SEC22C: variants seen among roughly 807,000 people sequenced by gnomAD.
SEC22C encodes vesicle-trafficking protein SEC22c.
Under a neutral mutation model 34.7 loss-of-function variants are expected in SEC22C, and 29 were observed. The ratio of observed to expected loss-of-function variants is 0.84; its 90% confidence interval spans 0.62 to 1.14. SEC22C has a LOEUF of 1.14. Ranked by LOEUF, SEC22C falls within the 50% of genes most tolerant of loss-of-function variation. The probability of loss-of-function intolerance (pLI) is 0.00; values close to 1 mark genes in which losing one functional copy is unlikely to be tolerated. For synonymous variants in SEC22C, 117 were observed against 132.8 expected (o/e 0.88, Z 0.82); for missense variants, 337 against 369.0 (o/e 0.91, Z 0.71).
intron 2 of SEC22C, among the ~76,000 whole-genome samples, chr3:42,566,070 A>G (rs191661294): frequency 2.6e-5 from 4 of 152,266 alleles, no homozygotes; most frequent in Admixed American, 2.6e-4. Flanking sequence ...AAGCTTTCCT[A>G]TTTGAAGTAC....
intron 2 of SEC22C, among the ~76,000 whole-genome samples, chr3:42,566,504 G>A (rs1703251200): frequency 6.6e-6 from 1 of 150,648 alleles, no homozygotes; most frequent in Non-Finnish European, 1.5e-5. Flanking sequence ...GTGAAACGCC[G>A]TCTCTACTAA....
rs758179266 is a variant in SEC22C at position 42,552,147 on chromosome 3, G to A, written c.*1101C>T. On this transcript the variant is annotated 3_prime_UTR_variant, in exon 7 of 7. Coordinates refer to ENST00000264454, the MANE Select transcript of SEC22C (RefSeq NM_032970.4). ...GACAGTGAAAGAGAGTAACTTTCCA[G>A]AGTATGTGTTAATTATATCTCTATC... The A allele has an allele frequency of 4.1e-6, 4 of 985,200 alleles. No homozygotes were observed. The highest frequency in any genetic ancestry group is 3.5e-5 in the African/African-American group (2 of 57,216). The allele number at this position is 985,200 out of a possible 1,614,324, so 61.0% of individuals were successfully genotyped here.
In SEC22C at chr3:42,551,127, A is replaced by C; in HGVS notation, c.*2121T>G. 1 of 985,228 alleles carries C rather than the reference A, an allele frequency of 1.0e-6. No homozygotes were observed. The highest frequency in any genetic ancestry group is 1.7e-5 in the African/African-American group (1 of 57,302). 61.0% of individuals were successfully genotyped at this position (985,228 alleles called of 1,614,324 possible). A position where few individuals can be genotyped will look rare whatever the true frequency, so the allele number is the denominator to read the frequency against. On this transcript the variant is annotated 3_prime_UTR_variant, in exon 7 of 7. Transcript: ENST00000264454. Reference sequence around the variant, plus strand: ...CGTGATCTGCCCACCTCAGCTTCCCAAAGTGTTATTGACTTTTAAAGCTTT... The same window carrying C: ...CGTGATCTGCCCACCTCAGCTTCCCCAAGTGTTATTGACTTTTAAAGCTTT...
rs1349775360 is a variant in SEC22C at position 42,552,473 on chromosome 3, C to T, written c.*775G>A. On this transcript the variant is annotated 3_prime_UTR_variant, in exon 7 of 7. Coordinates refer to ENST00000264454, the MANE Select transcript of SEC22C (RefSeq NM_032970.4). ...CCTGAAATTCTCATTTCTGCTCATGCTGACAAACTTATCATCTAGAAGTAC... is the reference window on the plus strand; with the variant it reads ...CCTGAAATTCTCATTTCTGCTCATGTTGACAAACTTATCATCTAGAAGTAC... 1.0e-6 allele frequency: 1 copy of T among 984,348 alleles called. No homozygotes were observed. Among genetic ancestry groups the T allele is most frequent in the Non-Finnish European group, 1.2e-6 (1 of 829,096 alleles). The allele number at this position is 984,348 out of a possible 1,614,324, so 61.0% of individuals were successfully genotyped here.
chr3:42,551,508 A>AT lies in SEC22C; in HGVS notation c.*1739dup, dbSNP rs1031816476. On this transcript the variant is annotated 3_prime_UTR_variant, in exon 7 of 7. Coordinates refer to ENST00000264454, the MANE Select transcript of SEC22C (RefSeq NM_032970.4). ...AGGCATGTGCCATCACATCCGGCTA[A>AT]TTTTTTTTTTTGTAGAGATGAATCT... 0.038 allele frequency: 15,310 copies of AT among 403,458 alleles called. 1 individual carries two copies. The highest frequency in any genetic ancestry group is 0.068 in the Middle Eastern group (56 of 820). 25.0% of individuals were successfully genotyped at this position (403,458 alleles called of 1,614,324 possible). A position where few individuals can be genotyped will look rare whatever the true frequency, so the allele number is the denominator to read the frequency against.
At chr3:42,595,786 A>G (rs1476826434) in intron 1 of SEC22C, among the ~76,000 whole-genome samples, 1 of 152,190 alleles carries the variant, frequency 6.6e-6, no homozygotes, top group African/African-American at 2.4e-5. Flanking sequence ...TGTAAAATAC[A>G]TGTAAATAGT....
intron 2 of SEC22C, chr3:42,565,705 G>C (rs984019287): frequency 6.6e-6 from 2 of 302,532 alleles, no homozygotes; most frequent in Admixed American, 4.7e-5. Context: ...GCCAATGACT[G>C]CCAGAAAGTA....
At chr3:42,592,382 T>C (rs1404111654) in intron 1 of SEC22C, among the ~76,000 whole-genome samples, 1 of 152,054 alleles carries the variant, frequency 6.6e-6, no homozygotes, top group East Asian at 1.9e-4. Context: ...ATATTTGTAG[T>C]AGAGACAGGG....
At position 42,557,577 on chromosome 3, in the gene SEC22C, C is replaced by A. The variant is rs1702603693; in HGVS notation, c.645+1G>T. 4 of 1,426,604 alleles carry A rather than the reference C, an allele frequency of 2.8e-6. No homozygotes were observed. Among genetic ancestry groups the A allele is most frequent in the South Asian group, 1.3e-5 (1 of 76,504 alleles). 88.4% of individuals were successfully genotyped at this position (1,426,604 alleles called of 1,614,324 possible). ...TGTTTTAAAAAAAAAAAAAAGGTTACCTGTAAAGAATGTTCTGCAAGGTGA... is the reference window on the plus strand; with the variant it reads ...TGTTTTAAAAAAAAAAAAAAGGTTAACTGTAAAGAATGTTCTGCAAGGTGA... On this transcript the variant is annotated splice_donor_variant, in intron 5 of 6. Coordinates refer to ENST00000264454, the MANE Select transcript of SEC22C (RefSeq NM_032970.4). LOFTEE classifies it high-confidence loss of function.
rs1702135052 is a variant in SEC22C at position 42,549,290 on chromosome 3, T to C, written c.*3958A>G. On this transcript the variant is annotated 3_prime_UTR_variant, in exon 7 of 7. Transcript: ENST00000264454. ...CACCCCTGCCTGTCCTCACTTGTGC[T>C]GCACTATGCAAGCAAGCAGCAGGTT... is the stretch of plus-strand genomic sequence containing the variant. The C allele has an allele frequency of 1.0e-6, 1 of 985,782 alleles. No homozygotes were observed. The allele number at this position is 985,782 out of a possible 1,614,324, so 61.1% of individuals were successfully genotyped here. A position where few individuals can be genotyped will look rare whatever the true frequency, so the allele number is the denominator to read the frequency against.
chr3:42,571,359 G>A (rs1352645506), intron 1 of SEC22C, among the ~76,000 whole-genome samples: 1 of 152,126 alleles, frequency 6.6e-6, no homozygotes. Flanking sequence ...TACTAGTACT[G>A]CAAACTAGTG....
chr3:42,599,600 G>T (rs1233483074), intron 1 of SEC22C, among the ~76,000 whole-genome samples: 2 of 150,994 alleles, frequency 1.3e-5, no homozygotes, highest in African/African-American at 4.9e-5. Flanking sequence ...GCTGAGGCAG[G>T]AGAATGGCGT....
chr3:42,553,539 G>T lies in SEC22C; in HGVS notation c.712-91C>A, dbSNP rs1702354913. On this transcript the variant is annotated intron_variant, in intron 6 of 6. Transcript: ENST00000264454. Reference sequence around the variant, plus strand: ...TCACCTCCCACAGCTTCCATGAAGAGTGTCATTTCTCTCACATTAGCTGAT... The same window carrying T: ...TCACCTCCCACAGCTTCCATGAAGATTGTCATTTCTCTCACATTAGCTGAT... The T allele has an allele frequency of 6.0e-6, 9 of 1,503,302 alleles. No individual in the cohort carries two copies. The Admixed American group carries it at 8.7e-5, about 14-fold the overall frequency. 93.1% of individuals were successfully genotyped at this position (1,503,302 alleles called of 1,614,324 possible).
At chr3:42,560,112 CTCTCTCTCTATA>C (rs1463826792) in intron 4 of SEC22C, among the ~76,000 whole-genome samples, 4 of 110,638 alleles carry the variant, frequency 3.6e-5, no homozygotes, top group East Asian at 2.8e-4. Context: ...CTCTCTCTCT[CTCTCTCTCTATA>C]TATATATATA....
In SEC22C at chr3:42,551,805, A is replaced by G; in HGVS notation, c.*1443T>C. On this transcript the variant is annotated 3_prime_UTR_variant, in exon 7 of 7. Coordinates refer to ENST00000264454, the MANE Select transcript of SEC22C (RefSeq NM_032970.4). ...TACAATACCAGTGATAACCAAATAT[A>G]ATTGAATTTTTCTAAAACTACATTC... is the stretch of plus-strand genomic sequence containing the variant. The G allele has an allele frequency of 1.0e-6, 1 of 975,800 alleles. No homozygotes were observed. Among genetic ancestry groups the G allele is most frequent in the Non-Finnish European group, 1.2e-6 (1 of 821,094 alleles). 60.4% of individuals were successfully genotyped at this position (975,800 alleles called of 1,614,324 possible).
upstream of SEC22C, among the ~76,000 whole-genome samples, chr3:42,582,807 A>G (rs184627470): frequency 1.1e-4 from 17 of 152,326 alleles, no homozygotes; most frequent in East Asian, 1.9e-3. Context: ...TAGCATGTAT[A>G]TAAGAACTCT....
intron 2 of SEC22C, among the ~76,000 whole-genome samples, chr3:42,568,275 G>GA (rs1703380754): frequency 6.6e-6 from 1 of 151,376 alleles, no homozygotes; most frequent in Admixed American, 6.6e-5. Flanking sequence ...TCTGAGTGAA[G>GA]AAAAAACTAC....
intron 1 of SEC22C, among the ~76,000 whole-genome samples, chr3:42,595,566 T>C (rs971355625): frequency 2.0e-5 from 3 of 152,224 alleles, no homozygotes; most frequent in African/African-American, 4.8e-5. Context: ...TCCACCCAGC[T>C]TTGATGTGGT....
chr3:42,597,784 T>C (rs903033522), intron 1 of SEC22C, among the ~76,000 whole-genome samples: 1 of 152,234 alleles, frequency 6.6e-6, no homozygotes, highest in Non-Finnish European at 1.5e-5. Context: ...ACAATTATTC[T>C]TCCAATGTGG....
Sources: gnomAD v4.1 joint callset for allele counts (sites outside exome capture counted in the v4.1 genomes callset) on GRCh38, gnomAD v4.1.1 for gene constraint, MANE v1.5 for transcripts, NCBI Gene and HGNC (gene_info 2026-07-23, HGNC 2026-07-21) for gene names.